HS3ST4: variants seen among roughly 807,000 people sequenced by gnomAD.
HS3ST4 encodes the protein heparan sulfate-glucosamine 3-sulfotransferase 4.
A neutral mutation model predicts 29.2 loss-of-function variants in HS3ST4; 17 were observed. That is an observed-to-expected ratio of 0.58 (90% CI 0.40 to 0.87). HS3ST4 has a LOEUF of 0.87. Among genes scored for constraint, HS3ST4 ranks in the 40% least tolerant of loss-of-function variants. HS3ST4 has a pLI of 0.00. For synonymous variants in HS3ST4, 314 were observed against 285.7 expected, an observed-to-expected ratio of 1.10 and a Z score of -1.00; for missense variants, 627 against 634.5, an observed-to-expected ratio of 0.99 and a Z score of 0.13.
chr16:26,029,301 C>T (rs1287452232), intron 1 of HS3ST4, among the ~76,000 whole-genome samples: 7 of 152,202 alleles, frequency 4.6e-5, no homozygotes, highest in African/African-American at 1.7e-4. Flanking sequence ...GCCACAGGGG[C>T]CCTGCACTTG....
chr16:25,848,419 A>G (rs1250579688), intron 1 of HS3ST4, among the ~76,000 whole-genome samples: 1 of 151,960 alleles, frequency 6.6e-6, no homozygotes, highest in Non-Finnish European at 1.5e-5. Context: ...GGATTATAGG[A>G]GTGAACCGCT....
rs145746300 is a variant in HS3ST4, at chr16:25,768,798, A to G, written c.734+75647A>G. ...AGACAATTTTGAATCAGTGGCTAAT[A>G]TTTTAAAATTGGGAGATGTCATATT... is the stretch of plus-strand genomic sequence containing the variant. On this transcript the variant is annotated intron_variant, in intron 1 of 1. Transcript: ENST00000331351. Among the ~76,000 whole-genome samples, 73 of 152,274 alleles carry G rather than the reference A, an allele frequency of 4.8e-4. 1 individual carries two copies. The East Asian group carries it at 0.012, about 25-fold the overall frequency.
chr16:26,095,427 C>T (rs973214473), intron 1 of HS3ST4, among the ~76,000 whole-genome samples: 5 of 152,316 alleles, frequency 3.3e-5, no homozygotes, highest in Non-Finnish European at 5.9e-5. Context: ...TCTCAGACCA[C>T]AGTGCCATCA....
chr16:25,784,371 C>T lies in HS3ST4; in HGVS notation c.734+91220C>T, dbSNP rs958933635. ...AGAAATGATGGAGCTCAGTGAGAAA[C>T]GCATGTCTGCAGCTGAGATAAGCCA... On this transcript the variant is annotated intron_variant, in intron 1 of 1. Transcript: ENST00000331351. Among the ~76,000 whole-genome samples, 9 of 152,312 alleles carry T rather than the reference C, an allele frequency of 5.9e-5. No individual in the cohort carries two copies. The East Asian group carries it at 7.7e-4, about 13-fold the overall frequency.
intron 1 of HS3ST4, 79 bp downstream of exon 1, chr16:25,693,230 C>T (rs942591480): frequency 3.7e-5 from 53 of 1,424,430 alleles, no homozygotes; most frequent in Non-Finnish European, 4.7e-5. Flanking sequence ...CCACGCCCTT[C>T]GAGCATCCAG....
intron 1 of HS3ST4, among the ~76,000 whole-genome samples, chr16:26,121,861 G>C (rs35486369): frequency 2.0e-5 from 3 of 152,194 alleles, no homozygotes; most frequent in Non-Finnish European, 2.9e-5. Context: ...GGCACTCTTT[G>C]AGTGTTTATG....
At chr16:25,717,555 T>TGTGTGTGTG (rs1966464127) in intron 1 of HS3ST4, among the ~76,000 whole-genome samples, 1 of 78,632 alleles carries the variant, frequency 1.3e-5, no homozygotes, top group African/African-American at 4.6e-5. Context: ...GTGTGTGTGT[T>TGTGTGTGTG]TGGCAATCCA....
At chr16:25,966,925 T>C (rs1968848594) in intron 1 of HS3ST4, among the ~76,000 whole-genome samples, 1 of 152,076 alleles carries the variant, frequency 6.6e-6, no homozygotes, top group South Asian at 2.1e-4. Context: ...ATTTAAAATG[T>C]TCTAGAGCAG....
At chr16:25,904,050 C>T (rs527398051) in intron 1 of HS3ST4, among the ~76,000 whole-genome samples, 13 of 151,642 alleles carry the variant, frequency 8.6e-5, no homozygotes, top group Non-Finnish European at 1.6e-4. Flanking sequence ...AGTGATGAAA[C>T]GATGGATGGA....
intron 1 of HS3ST4, among the ~76,000 whole-genome samples, chr16:26,103,942 C>T (rs192517771): frequency 4.5e-4 from 69 of 152,310 alleles, no homozygotes; most frequent in African/African-American, 1.7e-3. Context: ...AATAAATACA[C>T]ACTCACACAC....
chr16:26,093,721 G>T (rs1735286497), intron 1 of HS3ST4, among the ~76,000 whole-genome samples: 1 of 152,182 alleles, frequency 6.6e-6, no homozygotes, highest in Non-Finnish European at 1.5e-5. Context: ...AAGGATCGCA[G>T]CTCCTTGCCA....
intron 1 of HS3ST4, among the ~76,000 whole-genome samples, chr16:26,102,010 A>ATTGT (rs796797226): frequency 5.9e-5 from 9 of 152,216 alleles, no homozygotes; most frequent in South Asian, 4.1e-4. Context: ...AATGCACTAC[A>ATTGT]TTGTTTGTTT....
intron 1 of HS3ST4, among the ~76,000 whole-genome samples, chr16:25,977,810 C>T (rs1026554197): frequency 5.3e-5 from 8 of 152,156 alleles, no homozygotes; most frequent in African/African-American, 9.7e-5. Flanking sequence ...TGTGTGGGGA[C>T]GAAGTGGAAC....
chr16:26,119,722 A>G (rs1230614107), intron 1 of HS3ST4, among the ~76,000 whole-genome samples: 1 of 151,804 alleles, frequency 6.6e-6, no homozygotes, highest in Non-Finnish European at 1.5e-5. Context: ...TATTTCTTCC[A>G]TCATTGAACA....
intron 1 of HS3ST4, among the ~76,000 whole-genome samples, chr16:25,829,796 C>T (rs1276743564): frequency 6.6e-6 from 1 of 152,026 alleles, no homozygotes; most frequent in African/African-American, 2.4e-5. Context: ...GTAAAATACA[C>T]TATTTTAAAA....
At chr16:25,708,525 C>T (rs998069537) in intron 1 of HS3ST4, among the ~76,000 whole-genome samples, 13 of 151,946 alleles carry the variant, frequency 8.6e-5, no homozygotes, top group African/African-American at 3.1e-4. Flanking sequence ...TAAATATGGA[C>T]AAAAATGAAA....
intron 1 of HS3ST4, among the ~76,000 whole-genome samples, chr16:26,011,674 G>GTT (rs1443345405): frequency 0.03 from 4,111 of 136,780 alleles, 185 homozygotes; most frequent in African/African-American, 0.11. Context: ...ACAGGTATAT[G>GTT]TTTGTGTGTG....
intron 1 of HS3ST4, among the ~76,000 whole-genome samples, chr16:25,754,862 C>T (rs961297808): frequency 6.6e-6 from 1 of 151,824 alleles, no homozygotes; most frequent in Non-Finnish European, 1.5e-5. Flanking sequence ...TCCATCCATC[C>T]ATTCATCCAC....
At chr16:26,017,603 T>C (rs772521541) in intron 1 of HS3ST4, among the ~76,000 whole-genome samples, 1 of 152,208 alleles carries the variant, frequency 6.6e-6, no homozygotes, top group Non-Finnish European at 1.5e-5. Context: ...AGCAGCACTT[T>C]CTAATGAGGA....
Sources: gnomAD v4.1 joint callset for allele counts (sites outside exome capture counted in the v4.1 genomes callset) on GRCh38, gnomAD v4.1.1 for gene constraint, MANE v1.5 for transcripts, NCBI Gene and HGNC (gene_info 2026-07-23, HGNC 2026-07-21) for gene names.